Variants in SWAP70 observed in about 807,000 individuals in gnomAD.
SWAP70 encodes the protein switch-associated protein 70.
SWAP70 carries 34 observed loss-of-function variants against 80.2 expected under a neutral mutation model. The ratio of observed to expected loss-of-function variants is 0.42; its 90% CI spans 0.32 to 0.56. The LOEUF (loss-of-function observed/expected upper bound fraction) is 0.56. SWAP70 is among the 20% of genes least tolerant of loss of function. SWAP70 has a pLI of 0.09. For missense variants in SWAP70, 578 were observed against 690.7 expected (o/e 0.84, Z 1.83); for synonymous variants, 239 against 238.5 (o/e 1.00, Z -0.02).
chr11:9,727,940 C>T (rs1851246587), intron 4 of SWAP70, 113 bp from the exon 5 acceptor site: 10 of 1,057,220 alleles, frequency 9.5e-6, no homozygotes, highest in Non-Finnish European at 1.3e-5. Context: ...AATTGGTGTT[C>T]ATGTTTTCAG....
intron 1 of SWAP70, among the ~76,000 whole-genome samples, chr11:9,689,369 G>A (rs1210673680): frequency 6.6e-6 from 1 of 152,240 alleles, no homozygotes; most frequent in Admixed American, 6.5e-5. Context: ...TAGTCATCTT[G>A]TCAGCAGAGG....
At position 9,749,874 on chromosome 11, in the gene SWAP70, C is replaced by A. The variant is rs772659015; in HGVS notation, c.1662C>A (p.Asn554Lys). 2 of 1,611,634 alleles carry A rather than the reference C, an allele frequency of 1.2e-6. No individual in the cohort carries two copies. The highest frequency in any genetic ancestry group is 1.7e-5 in the Admixed American group (1 of 60,022). The change falls in exon 12 of 12, where the codon AAC becomes AAA. Residue 554 changes from asparagine to lysine, a missense_variant. By Grantham distance (94) the Asn-to-Lys change is moderately conservative. Transcript: ENST00000318950. ...LIRLIEPGSKNPHLITNWGPA... is the reference protein window; with the variant it reads ...LIRLIEPGSKKPHLITNWGPA... ...ATGTTTGCCTCTTAGGTTCAAAGAACCCTCACCTGATCACTAACTGGGGAC... is the reference window on the plus strand; with the variant it reads ...ATGTTTGCCTCTTAGGTTCAAAGAAACCTCACCTGATCACTAACTGGGGAC...
At chr11:9,683,210 A>G (rs1288370976) in intron 1 of SWAP70, among the ~76,000 whole-genome samples, 1 of 151,988 alleles carries the variant, frequency 6.6e-6, no homozygotes, top group Non-Finnish European at 1.5e-5. Context: ...ACCAGCCTGG[A>G]CAACATGGTG....
intron 1 of SWAP70, among the ~76,000 whole-genome samples, chr11:9,669,151 T>C (rs545866321): frequency 1.3e-5 from 2 of 152,356 alleles, no homozygotes; most frequent in East Asian, 1.9e-4. Flanking sequence ...CTGGTGTGAT[T>C]GCTTTATGAA....
rs542870459 is a variant in SWAP70, at chr11:9,680,435, G to A, written c.100-13711G>A. 6.0e-4 allele frequency among the ~76,000 whole-genome samples: 91 copies of A among 152,222 alleles called. 3 individuals carry two copies. The highest frequency in any genetic ancestry group is 1.9e-3 in the South Asian group (9 of 4,818). Reference sequence around the variant, plus strand: ...CTCGTTATTTATTTATTTATTTTGAGATGGAGTTTCGCTCTTGTCACCCAG... The same window carrying A: ...CTCGTTATTTATTTATTTATTTTGAAATGGAGTTTCGCTCTTGTCACCCAG... On this transcript the variant is annotated intron_variant, in intron 1 of 11. Transcript: ENST00000318950.
chr11:9,689,342 G>C (rs1850668299), intron 1 of SWAP70, among the ~76,000 whole-genome samples: 1 of 152,226 alleles, frequency 6.6e-6, no homozygotes, highest in South Asian at 2.1e-4. Flanking sequence ...CACACGAGCA[G>C]GGCTCATGCA....
intron 2 of SWAP70, among the ~76,000 whole-genome samples, chr11:9,712,691 G>A (rs1182327674): frequency 6.7e-6 from 1 of 150,210 alleles, no homozygotes; most frequent in African/African-American, 2.4e-5. Context: ...TGTTGTTTTA[G>A]AATTTCAGTT....
chr11:9,743,055 C>G (rs895049902), intron 9 of SWAP70, among the ~76,000 whole-genome samples: 1 of 126,024 alleles, frequency 7.9e-6, no homozygotes, highest in Non-Finnish European at 1.7e-5. Context: ...CCCCCTCCCC[C>G]CACCCCACAA....
rs554648520 is a variant in SWAP70, at chr11:9,752,651, T to C, written c.*2681T>C. On this transcript the variant is annotated 3_prime_UTR_variant, in exon 12 of 12. Transcript: ENST00000318950. ...CTTGGTTTTACTTTTGTAATTACTG[T>C]ACAGAAAATTTCAAGAGTGTTTGAG... is the stretch of plus-strand genomic sequence containing the variant. The C allele has an allele frequency of 6.6e-6, 1 of 152,356 alleles. No individual in the cohort carries two copies. Among genetic ancestry groups the C allele is most frequent in the East Asian group, 1.9e-4 (1 of 5,192 alleles). 9.4% of individuals were successfully genotyped at this position (152,356 alleles called of 1,614,324 possible).
At chr11:9,720,597 A>G in intron 3 of SWAP70, 2 of 538,680 alleles carry the variant, frequency 3.7e-6, no homozygotes, top group Non-Finnish European at 4.7e-6. Context: ...GTGGCTATAC[A>G]CATGTGCTTC....
intron 1 of SWAP70, among the ~76,000 whole-genome samples, chr11:9,670,878 C>G (rs535442523): frequency 1.3e-5 from 2 of 151,294 alleles, no homozygotes; most frequent in African/African-American, 4.9e-5. Context: ...CTCAGCCTCC[C>G]GAGTAGCTGG....
At chr11:9,686,243 T>C (rs761687841) in intron 1 of SWAP70, among the ~76,000 whole-genome samples, 4 of 151,928 alleles carry the variant, frequency 2.6e-5, no homozygotes, top group Non-Finnish European at 5.9e-5. Flanking sequence ...TCCCCCATCA[T>C]GTACACACAT....
intron 1 of SWAP70, among the ~76,000 whole-genome samples, chr11:9,665,377 C>T (rs908172464): frequency 3.9e-4 from 59 of 152,110 alleles, no homozygotes; most frequent in Non-Finnish European, 1.8e-4. Flanking sequence ...GGAGATCATC[C>T]ACGTAATTTT....
At chr11:9,714,543 GCA>G (rs535429250) in intron 3 of SWAP70, among the ~76,000 whole-genome samples, 337 of 152,292 alleles carry the variant, frequency 2.2e-3, no homozygotes, top group African/African-American at 7.7e-3. Flanking sequence ...CTTAAGAAAT[GCA>G]CACTTTCAGG....
At chr11:9,708,487 G>A (rs183893713) in intron 2 of SWAP70, among the ~76,000 whole-genome samples, 59 of 152,182 alleles carry the variant, frequency 3.9e-4, no homozygotes, top group Admixed American at 5.9e-4. Flanking sequence ...TTTAAAATTC[G>A]CTTATTTGTT....
At chr11:9,721,237 C>T (rs1003138889) in intron 3 of SWAP70, among the ~76,000 whole-genome samples, 2 of 152,080 alleles carry the variant, frequency 1.3e-5, no homozygotes, top group African/African-American at 4.8e-5. Flanking sequence ...CCTGTTACTT[C>T]TCTTTAAAGA....
At chr11:9,740,086 A>G in intron 8 of SWAP70, 95 bp from the exon 9 acceptor site, 2 of 1,128,200 alleles carry the variant, frequency 1.8e-6, no homozygotes, top group Non-Finnish European at 2.6e-6. Context: ...TGATGGGCTG[A>G]GGCTGCAGCT....
At chr11:9,713,008 C>T (rs1228437424) in intron 2 of SWAP70, among the ~76,000 whole-genome samples, 1 of 152,098 alleles carries the variant, frequency 6.6e-6, no homozygotes, top group Non-Finnish European at 1.5e-5. Flanking sequence ...CTTCTTTGAC[C>T]GTGTATGTAA....
rs61878115 is a variant in SWAP70, at chr11:9,705,797, G to A, written c.241-7669G>A. Among the ~76,000 whole-genome samples the A allele has an allele frequency of 4.9e-3, 300 of 61,574 alleles. 1 individual carries two copies. Among genetic ancestry groups the A allele is most frequent in the Middle Eastern group, 8.5e-3 (1 of 118 alleles). 40.4% of individuals were successfully genotyped at this position (61,574 alleles called of 152,430 possible). A position where few individuals can be genotyped will look rare whatever the true frequency, so the allele number is the denominator to read the frequency against. The stretch of plus-strand genomic sequence containing the variant: ...TCTGTGTATACTTGGTGATCTGTAT[G>A]CACTGGTGATCTGTATACACTGGTG... On this transcript the variant is annotated intron_variant, in intron 2 of 11. Transcript: ENST00000318950.
Sources: gnomAD v4.1 joint callset for allele counts (sites outside exome capture counted in the v4.1 genomes callset) on GRCh38, gnomAD v4.1.1 for gene constraint, MANE v1.5 for transcripts, NCBI Gene and HGNC (gene_info 2026-07-23, HGNC 2026-07-21) for gene names.